The following ANGPTL6 variants were observed in gnomAD, a reference collection of about 807,000 sequenced individuals.
The protein encoded by ANGPTL6 is angiopoietin-related protein 6.
A neutral mutation model predicts 47.4 loss-of-function variants in ANGPTL6; 45 were observed. The observed-to-expected ratio is 0.95, with a 90% CI of 0.75 to 1.22. The LOEUF (loss-of-function observed/expected upper bound fraction) is 1.22, where lower values mean the gene tolerates loss of function less well. Among genes scored for constraint, ANGPTL6 ranks in the 50% most tolerant of loss-of-function variants. The pLI is 0.00. For missense variants in ANGPTL6, 698 were observed against 669.4 expected, an observed-to-expected ratio of 1.04 and a Z score of -0.47; for synonymous variants, 290 against 295.9, an observed-to-expected ratio of 0.98 and a Z score of 0.20.
upstream of ANGPTL6, chr19:10,102,713 C>A (rs1254861415): frequency 6.1e-6 from 6 of 984,588 alleles, no homozygotes; most frequent in African/African-American, 1.7e-5. Flanking sequence ...GGTAACCACT[C>A]CCCAGCCCCC....
chr19:10,096,034 A>G lies in ANGPTL6; in HGVS notation c.530T>C (p.Leu177Pro). ...GCACAGGCGCTCCAGGCGGGCGATGAGACTGCTCTGCTGGGTGACGAGCTG... is the reference window on the plus strand; with the variant it reads ...GCACAGGCGCTCCAGGCGGGCGATGGGACTGCTCTGCTGGGTGACGAGCTG... ...LAQLVTQQSSLIARLERLCPG... is the reference protein window; with the variant it reads ...LAQLVTQQSSPIARLERLCPG... The change falls in exon 2 of 6, where the codon CTC (leucine) becomes CCC (proline). Residue 177 changes from leucine to proline, a missense_variant. Leu to Pro is a moderately conservative substitution (Grantham distance 98, BLOSUM62 -3). Transcript: ENST00000253109. The G allele has an allele frequency of 7.1e-7, 1 of 1,403,746 alleles. No individual in the cohort carries two copies. Among genetic ancestry groups the G allele is most frequent in the Non-Finnish European group, 9.3e-7 (1 of 1,075,668 alleles). The allele number at this position is 1,403,746 out of a possible 1,614,324, so 87.0% of individuals were successfully genotyped here.
intron 1 of ANGPTL6, 95 bp downstream of exon 1, chr19:10,102,471 TGG>T: frequency 1.3e-6 from 1 of 778,842 alleles, no homozygotes; most frequent in Non-Finnish European, 1.6e-6. Context: ...ACTCTCAGCC[TGG>T]GGTGGCGGGG....
chr19:10,101,495 C>G (rs970251257), intron 1 of ANGPTL6, among the ~76,000 whole-genome samples: 1 of 151,836 alleles, frequency 6.6e-6, no homozygotes, highest in Non-Finnish European at 1.5e-5. Context: ...TGCAAAGGCC[C>G]GGAGATTGCA....
chr19:10,099,853 TTC>T (rs140980342), intron 1 of ANGPTL6, among the ~76,000 whole-genome samples: 58 of 100,736 alleles, frequency 5.8e-4, no homozygotes, highest in Non-Finnish European at 8.5e-4. Context: ...CTTTCTCTCT[TTC>T]TCTCTCTCTC....
rs2088534363 is a variant in ANGPTL6, at chr19:10,096,300, G to C, written c.264C>G (p.Ala88=). The C allele has an allele frequency of 8.1e-7, 1 of 1,232,994 alleles. No individual in the cohort carries two copies. Among genetic ancestry groups the C allele is most frequent in the Non-Finnish European group, 1.0e-6 (1 of 989,936 alleles). 76.4% of individuals were successfully genotyped at this position (1,232,994 alleles called of 1,614,324 possible). A position where few individuals can be genotyped will look rare whatever the true frequency, so the allele number is the denominator to read the frequency against. The change falls in exon 2 of 6, where the codon GCC becomes GCG. Residue 88 remains alanine, a synonymous_variant. Coordinates refer to ENST00000253109, the MANE Select transcript of ANGPTL6 (RefSeq NM_031917.3). ...ELQRLAAADG[A]VAGEVRALRK... is the part of the protein sequence containing the mutation. The stretch of plus-strand genomic sequence containing the variant: ...GCAGCGCGCGCACCTCGCCGGCCAC[G>C]GCGCCGTCGGCCGCCGCCAGCCTCT...
In ANGPTL6 at chr19:10,096,319, A is replaced by T. The variant is rs979714863; in HGVS notation, c.245T>A (p.Leu82Gln). 192 of 1,267,470 alleles carry T rather than the reference A, an allele frequency of 1.5e-4. No homozygotes were observed. The highest frequency in any genetic ancestry group is 1.8e-4 in the Non-Finnish European group (179 of 1,010,212). 78.5% of individuals were successfully genotyped at this position (1,267,470 alleles called of 1,614,324 possible). A position where few individuals can be genotyped will look rare whatever the true frequency, so the allele number is the denominator to read the frequency against. ...HEELLRELQR[L>Q]AAADGAVAGE... ...GGCCACGGCGCCGTCGGCCGCCGCC[A>T]GCCTCTGCAGCTCGCGTAACAGCTC... The change falls in exon 2 of 6, where the codon CTG becomes CAG. Residue 82 changes from leucine (L) to glutamine (Q), a missense_variant. Transcript: ENST00000253109.
intron 1 of ANGPTL6, among the ~76,000 whole-genome samples, chr19:10,098,888 CACTA>C (rs1340067658): frequency 2.0e-5 from 3 of 152,136 alleles, no homozygotes; most frequent in African/African-American, 7.2e-5. Flanking sequence ...GGAAACGTCT[CACTA>C]ACTGCCTTCC....
chr19:10,095,037 A>G lies in ANGPTL6; in HGVS notation c.583-99T>C. The G allele has an allele frequency of 4.0e-6, 5 of 1,242,466 alleles. No individual in the cohort carries two copies. In the South Asian group the frequency reaches 6.3e-5, roughly 16 times the overall value. 77.0% of individuals were successfully genotyped at this position (1,242,466 alleles called of 1,614,324 possible). A position where few individuals can be genotyped will look rare whatever the true frequency, so the allele number is the denominator to read the frequency against. ...TGGTGGATAAATCTCCCAGCTCCCA[A>G]ATGACCTGGACATCTGGCAGTGGGG... On this transcript the variant is annotated intron_variant, in intron 2 of 5. Transcript: ENST00000253109.
At position 10,102,613 on chromosome 19, in the gene ANGPTL6, C is replaced by A; in HGVS notation, c.-56G>T. On this transcript the variant is annotated 5_prime_UTR_variant, in exon 1 of 6. Coordinates refer to ENST00000253109, the MANE Select transcript of ANGPTL6 (RefSeq NM_031917.3). ...AATCCAGCGAAGCTCACAGAACACACAAGAAGTCCAAGGAAGAGCCGAGGG... is the reference window on the plus strand; with the variant it reads ...AATCCAGCGAAGCTCACAGAACACAAAAGAAGTCCAAGGAAGAGCCGAGGG... 1.0e-6 allele frequency: 1 copy of A among 984,576 alleles called. No homozygotes were observed. The highest frequency in any genetic ancestry group is 1.2e-6 in the Non-Finnish European group (1 of 829,396). The allele number at this position is 984,576 out of a possible 1,614,324, so 61.0% of individuals were successfully genotyped here.
At chr19:10,101,949 CAAAA>C (rs903648674) in intron 1 of ANGPTL6, among the ~76,000 whole-genome samples, 1 of 96,574 alleles carries the variant, frequency 1.0e-5, no homozygotes, top group Non-Finnish European at 2.3e-5. Flanking sequence ...ACTAAAAATA[CAAAA>C]AAAAAAAAAA....
intron 5 of ANGPTL6, 171 bp from the exon 6 acceptor site, chr19:10,092,950 T>G (rs2088429938): frequency 1.9e-6 from 1 of 538,094 alleles, no homozygotes; most frequent in African/African-American, 1.9e-5. Context: ...CCCCCCAACT[T>G]TCTTCAGAGT....
chr19:10,095,254 CA>C (rs1036392889), intron 2 of ANGPTL6, among the ~76,000 whole-genome samples: 1 of 151,882 alleles, frequency 6.6e-6, no homozygotes, highest in South Asian at 2.1e-4. Context: ...ACTAAAAATA[CA>C]AAAAAAATTA....
In ANGPTL6 at chr19:10,094,898, CG is replaced by C; in HGVS notation, c.622del (p.Arg208ValfsTer75). The C allele has an allele frequency of 6.2e-7, 1 of 1,613,240 alleles. No individual in the cohort carries two copies. Among genetic ancestry groups the C allele is most frequent in the Non-Finnish European group, 8.5e-7 (1 of 1,179,594 alleles). ...GGTGTCACTGGTGCTACCCACAAGA[CG>C]GACCGGAACCACAGGCACCAGTGGG... is the stretch of plus-strand genomic sequence containing the variant. ...PPPLVPVVPV[R>X]LVGSTSDTSR... On this transcript the variant is annotated frameshift_variant, in exon 3 of 6. Coordinates refer to ENST00000253109, the MANE Select transcript of ANGPTL6 (RefSeq NM_031917.3). LOFTEE classifies it high-confidence loss of function.
chr19:10,096,909 C>T lies in ANGPTL6; in HGVS notation c.-10-336G>A, dbSNP rs10408727. 8.0e-3 allele frequency among the ~76,000 whole-genome samples: 1,118 copies of T among 138,964 alleles called. 7 individuals carry two copies. Among genetic ancestry groups the T allele is most frequent in the African/African-American group, 0.027 (977 of 36,762 alleles). The allele number at this position is 138,964 out of a possible 152,430, so 91.2% of individuals were successfully genotyped here. On this transcript the variant is annotated intron_variant, in intron 1 of 5. Transcript: ENST00000253109. Reference sequence around the variant, plus strand: ...AGGAGTTCGAGACCAGCCTGGGCAACATGGGGAGACCCCTGTCTCTACAAA... The same window carrying T: ...AGGAGTTCGAGACCAGCCTGGGCAATATGGGGAGACCCCTGTCTCTACAAA...
chr19:10,102,385 A>G (rs1359715047), intron 1 of ANGPTL6, among the ~76,000 whole-genome samples, 183 bp downstream of exon 1: 2 of 151,212 alleles, frequency 1.3e-5, no homozygotes, highest in Admixed American at 1.3e-4. Context: ...GATCACTGAC[A>G]TGCCCCACCC....
chr19:10,093,547 C>T lies in ANGPTL6; in HGVS notation c.1024G>A (p.Asp342Asn), dbSNP rs2088450754. 1 of 1,613,984 alleles carries T rather than the reference C, an allele frequency of 6.2e-7. No individual in the cohort carries two copies. Among genetic ancestry groups the T allele is most frequent in the Admixed American group, 1.7e-5 (1 of 59,996 alleles). Reference protein sequence around the residue: ...EPVYQLTSRGDHELLVLLEDW... With the variant: ...EPVYQLTSRGNHELLVLLEDW... ...TCCAGGAGAACCAGCAGCTCATGGT[C>T]CCCACGGCTGGTCAGCTGATACACG... Residue 342 changes from aspartate to asparagine, a missense_variant, in exon 5 of 6, where the codon GAC (aspartate) becomes AAC (asparagine). Asp to Asn is a conservative substitution (Grantham distance 23). Transcript: ENST00000253109.
In ANGPTL6 at chr19:10,096,470, C is replaced by G; in HGVS notation, c.94G>C (p.Val32Leu). The G allele has an allele frequency of 2.0e-6, 3 of 1,489,882 alleles. No homozygotes were observed. The highest frequency in any genetic ancestry group is 1.8e-6 in the Non-Finnish European group (2 of 1,127,952). 92.3% of individuals were successfully genotyped at this position (1,489,882 alleles called of 1,614,324 possible). A position where few individuals can be genotyped will look rare whatever the true frequency, so the allele number is the denominator to read the frequency against. ...AGAPRCTYTFVLPPQKFTGAV... is the reference protein window; with the variant it reads ...AGAPRCTYTFLLPPQKFTGAV... The stretch of plus-strand genomic sequence containing the variant: ...CCCGTGAACTTCTGCGGGGGCAGCA[C>G]GAAGGTGTAGGTGCAGCGCGGGGCG... Residue 32 changes from valine (V) to leucine (L), a missense_variant, in exon 2 of 6, where the codon GTG becomes CTG. Val to Leu is a conservative substitution (Grantham distance 32). Coordinates refer to ENST00000253109, the MANE Select transcript of ANGPTL6 (RefSeq NM_031917.3).
rs200825170 is a variant in ANGPTL6, at chr19:10,092,648, G to A, written c.1354C>T (p.Arg452Cys). Reference sequence around the variant, plus strand: ...TTCCTGAGAGAATATGCCCCACCACGAAACTCAGCCCAGTAGACACCATCC... The same window carrying A: ...TTCCTGAGAGAATATGCCCCACCACAAAACTCAGCCCAGTAGACACCATCC... Reference protein sequence around the residue: ...YQDGVYWAEFRGGAYSLRKAA... With the variant: ...YQDGVYWAEFCGGAYSLRKAA... The change falls in exon 6 of 6, where the codon CGT becomes TGT. Residue 452 changes from arginine to cysteine, a missense_variant. Arg to Cys is a radical substitution (Grantham distance 180). Transcript: ENST00000253109. 55 of 1,613,854 alleles carry A rather than the reference G, an allele frequency of 3.4e-5. No homozygotes were observed. Among genetic ancestry groups the A allele is most frequent in the Admixed American group, 2.7e-4 (16 of 59,984 alleles).
intron 1 of ANGPTL6, among the ~76,000 whole-genome samples, chr19:10,100,080 T>A (rs2088646355): frequency 6.7e-6 from 1 of 149,992 alleles, no homozygotes; most frequent in Admixed American, 6.6e-5. Flanking sequence ...AAATCCCGTC[T>A]CTACTAAAAG....
Sources: gnomAD v4.1 joint callset for allele counts (sites outside exome capture counted in the v4.1 genomes callset) on GRCh38, gnomAD v4.1.1 for gene constraint, MANE v1.5 for transcripts, NCBI Gene and HGNC (gene_info 2026-07-23, HGNC 2026-07-21) for gene names.